HTR7: variants seen among roughly 807,000 people sequenced by gnomAD.
The protein encoded by HTR7 is 5-HT-7.
A neutral mutation model predicts 34.0 loss-of-function variants in HTR7; 16 were observed. The ratio of observed to expected loss-of-function variants is 0.47; its 90% confidence interval spans 0.32 to 0.71. The LOEUF (loss-of-function observed/expected upper bound fraction) is 0.71. HTR7 is among the 30% of genes least tolerant of loss of function. The probability of loss-of-function intolerance (pLI) is 0.04; values close to 1 mark genes in which losing one functional copy is unlikely to be tolerated. For synonymous variants in HTR7, 265 were observed against 260.2 expected, an observed-to-expected ratio of 1.02 and a Z score of -0.18; for missense variants, 504 against 625.5, an observed-to-expected ratio of 0.81 and a Z score of 2.07.
Position 90,793,791 on chromosome 10 carries a change from G to T in HTR7, c.540-44197C>A, listed in dbSNP as rs142534883. ...AAAAATAGGGAAGCTCGACAGTGCAGCTTTCAGTCTGTGGCTGAAGGCCCA... is the reference window on the plus strand; with the variant it reads ...AAAAATAGGGAAGCTCGACAGTGCATCTTTCAGTCTGTGGCTGAAGGCCCA... On this transcript the variant is annotated intron_variant, in intron 1 of 3. Transcript: ENST00000336152. Among the ~76,000 whole-genome samples, 6 of 152,300 alleles carry T rather than the reference G, an allele frequency of 3.9e-5. No individual in the cohort carries two copies. The East Asian group carries it at 1.2e-3, about 29-fold the overall frequency.
intron 1 of HTR7, among the ~76,000 whole-genome samples, chr10:90,845,999 G>GA (rs1460609233): frequency 4.6e-5 from 7 of 151,138 alleles, no homozygotes; most frequent in African/African-American, 4.8e-5. Context: ...TGCCAAGGTG[G>GA]AAAAAAAAAG....
chr10:90,763,558 C>G (rs1243007301), intron 1 of HTR7, among the ~76,000 whole-genome samples: 1 of 152,148 alleles, frequency 6.6e-6, no homozygotes, highest in Admixed American at 6.5e-5. Context: ...ATCAACCCAT[C>G]ATCTAGGTTT....
Position 90,857,656 on chromosome 10 carries a change from T to C in HTR7, c.16A>G (p.Ser6Gly), listed in dbSNP as rs1012536054. The change falls in exon 1 of 4, where the codon AGC (serine) becomes GGC (glycine). Residue 6 changes from serine to glycine, a missense_variant. Transcript: ENST00000336152. This position sits in a 1 kb window ranked among gnomAD's most constrained non-coding sequence, Gnocchi z 6.5. The stretch of plus-strand genomic sequence containing the variant: ...CCGTAGAGGTCCGGGCGGCCGCTGC[T>C]GTTAACGTCCATCATCGCGCCGCCG... The part of the protein sequence containing the change: MMDVN[S>G]SGRPDLYGHL... 54 of 1,584,800 alleles carry C rather than the reference T, an allele frequency of 3.4e-5. No individual in the cohort carries two copies. Among genetic ancestry groups the C allele is most frequent in the Non-Finnish European group, 4.3e-5 (50 of 1,171,882 alleles).
intron 1 of HTR7, among the ~76,000 whole-genome samples, chr10:90,762,747 C>G (rs1318681143): frequency 6.6e-6 from 1 of 152,046 alleles, no homozygotes; most frequent in East Asian, 1.9e-4. Context: ...GTGTTTTCTT[C>G]TTGGAGTTTT....
chr10:90,747,863 G>A (rs941013702), intron 2 of HTR7, among the ~76,000 whole-genome samples: 6 of 152,142 alleles, frequency 3.9e-5, no homozygotes, highest in Admixed American at 2.6e-4. Flanking sequence ...TTTCAAACGT[G>A]AAGAAATCTC....
chr10:90,848,137 C>T (rs1414410167), intron 1 of HTR7, among the ~76,000 whole-genome samples: 3 of 145,378 alleles, frequency 2.1e-5, no homozygotes, highest in Non-Finnish European at 4.5e-5. Flanking sequence ...GGCGCGATCT[C>T]GGCTCACCGC....
chr10:90,776,177 G>A (rs1001592647), intron 1 of HTR7, among the ~76,000 whole-genome samples: 5 of 151,960 alleles, frequency 3.3e-5, no homozygotes, highest in African/African-American at 4.8e-5. Context: ...TAGACAATAG[G>A]GTCTACCTGC....
At chr10:90,854,397 CA>C (rs1302370565) in intron 1 of HTR7, among the ~76,000 whole-genome samples, 2 of 151,980 alleles carry the variant, frequency 1.3e-5, no homozygotes, top group Non-Finnish European at 2.9e-5. Context: ...ACAATAACAA[CA>C]AAAAAGACCA....
In HTR7 at chr10:90,743,313, T is replaced by C. The variant is rs1295902622; in HGVS notation, c.1393+280A>G. 9.2e-5 allele frequency among the ~76,000 whole-genome samples: 14 copies of C among 152,170 alleles called. 1 individual carries two copies. In the East Asian group the frequency reaches 2.1e-3, roughly 23 times the overall value. On this transcript the variant is annotated intron_variant, in intron 3 of 3. Coordinates refer to ENST00000336152, the MANE Select transcript of HTR7 (RefSeq NM_019859.4). ...CAATAGATGGATTTTGCTGGAGACA[T>C]GGTTTCTAGCTTTTCCCCTCAGCCT...
chr10:90,829,380 C>A (rs1206400205), intron 1 of HTR7, among the ~76,000 whole-genome samples: 1 of 151,810 alleles, frequency 6.6e-6, no homozygotes, highest in Non-Finnish European at 1.5e-5. Context: ...GTTGTCAAAT[C>A]ATTTTTTTTT....
intron 1 of HTR7, among the ~76,000 whole-genome samples, chr10:90,800,768 T>C (rs756824960): frequency 1.3e-5 from 2 of 152,150 alleles, no homozygotes; most frequent in African/African-American, 2.4e-5. Context: ...TAAGGAAAAA[T>C]ATATAAATAC....
intron 1 of HTR7, among the ~76,000 whole-genome samples, chr10:90,750,314 G>A (rs1844714255): frequency 6.6e-6 from 1 of 152,094 alleles, no homozygotes; most frequent in African/African-American, 2.4e-5. Context: ...GTGCAATTCT[G>A]AAAAATGTTA....
intron 1 of HTR7, among the ~76,000 whole-genome samples, chr10:90,837,709 C>A (rs372770683): frequency 2.0e-5 from 3 of 152,164 alleles, no homozygotes; most frequent in Admixed American, 6.5e-5. Context: ...GACTACAGTG[C>A]GGCACATCTG....
intron 1 of HTR7, among the ~76,000 whole-genome samples, chr10:90,846,777 A>G (rs1846418773): frequency 6.6e-6 from 1 of 152,244 alleles, no homozygotes; most frequent in African/African-American, 2.4e-5. Flanking sequence ...TAAGAAATGC[A>G]GCCTTTATTC....
At chr10:90,798,056 C>A (rs1385525368) in intron 1 of HTR7, among the ~76,000 whole-genome samples, 1 of 152,152 alleles carries the variant, frequency 6.6e-6, no homozygotes, top group Non-Finnish European at 1.5e-5. Context: ...GGCCTAATCA[C>A]CTCTTAGTGG....
chr10:90,829,918 A>C (rs2120045304), intron 1 of HTR7, among the ~76,000 whole-genome samples: 1 of 152,330 alleles, frequency 6.6e-6, no homozygotes, highest in Middle Eastern at 3.4e-3. Flanking sequence ...AAGAAGTGAA[A>C]GAAATTGAAG....
At chr10:90,824,302 G>T (rs906846800) in intron 1 of HTR7, among the ~76,000 whole-genome samples, 1 of 152,214 alleles carries the variant, frequency 6.6e-6, no homozygotes, top group Non-Finnish European at 1.5e-5. Flanking sequence ...TGAAGGAAAG[G>T]ATGTAGTCCT....
chr10:90,793,680 T>C lies in HTR7; in HGVS notation c.540-44086A>G, dbSNP rs374166011. Among the ~76,000 whole-genome samples the C allele has an allele frequency of 9.9e-5, 15 of 152,100 alleles. No individual in the cohort carries two copies. The East Asian group carries it at 2.7e-3, about 27-fold the overall frequency. On this transcript the variant is annotated intron_variant, in intron 1 of 3. Transcript: ENST00000336152. The stretch of plus-strand genomic sequence containing the variant: ...TGAAGGGGAGTTTATTAAGGAGTAT[T>C]GACACACACGATCACAAGGCGAAAT...
intron 1 of HTR7, among the ~76,000 whole-genome samples, chr10:90,840,219 G>T (rs1846308447): frequency 8.3e-6 from 1 of 120,468 alleles, no homozygotes. Context: ...ACACACATCT[G>T]GCCTCTCTGT....
Sources: allele counts gnomAD v4.1 joint callset (sites outside exome capture counted in the v4.1 genomes callset), GRCh38; gene constraint gnomAD v4.1.1; non-coding constraint Gnocchi (gnomAD v3.1); transcripts MANE v1.5; gene names NCBI Gene and HGNC (gene_info 2026-07-23, HGNC 2026-07-21).